The following GPHN variants were observed in gnomAD, a reference collection of about 807,000 sequenced individuals.
GPHN encodes gephyrin.
In GPHN, 17 loss-of-function variants were observed where a neutral mutation model predicts 95.5. The observed-to-expected ratio is 0.18, with a 90% CI of 0.12 to 0.27. The LOEUF is 0.27. GPHN is among the 10% of genes least tolerant of loss of function. The pLI, the probability that GPHN is intolerant of heterozygous loss-of-function variation, is 1.00. For synonymous variants in GPHN, 320 were observed against 322.5 expected (o/e 0.99, Z 0.08); for missense variants, 660 against 978.1 (o/e 0.67, Z 4.34).
chr14:66,843,319 A>G (rs1056590515), intron 4 of GPHN, among the ~76,000 whole-genome samples: 4 of 152,150 alleles, frequency 2.6e-5, no homozygotes, highest in African/African-American at 9.7e-5. Flanking sequence ...TGGCCTAACA[A>G]GTGCTATGCC....
the GPHN span, among the ~76,000 whole-genome samples, chr14:67,559,264 G>T: frequency 6.6e-6 from 1 of 152,170 alleles, no homozygotes; most frequent in Non-Finnish European, 1.5e-5. Context: ...GGCCAGAGGA[G>T]TATAAAATGA....
the GPHN span, chr14:67,225,129 C>T: frequency 1.3e-6 from 2 of 1,580,646 alleles, no homozygotes; most frequent in Non-Finnish European, 8.6e-7. Flanking sequence ...TCTCTCCCCT[C>T]ATATCAAATC....
At position 67,139,154 on chromosome 14, in the gene GPHN, C is replaced by CGGA. The variant is rs544524699; in HGVS notation, c.1749-4205_1749-4203dup. Among the ~76,000 whole-genome samples, 209 of 151,180 alleles carry CGGA rather than the reference C, an allele frequency of 1.4e-3. 1 individual carries two copies. The highest frequency in any genetic ancestry group is 2.3e-3 in the Non-Finnish European group (155 of 67,852). ...AGGAGAGTTGCTTGAACCCAGGAGG[C>CGGA]GGAGGTTGCAGTGAGCCGAGATCGC... On this transcript the variant is annotated intron_variant, in intron 17 of 22. Coordinates refer to ENST00000478722, the MANE Select transcript of GPHN (RefSeq NM_020806.5).
intron 9 of GPHN, among the ~76,000 whole-genome samples, chr14:67,019,947 A>G (rs1046957597): frequency 1.3e-5 from 2 of 152,158 alleles, no homozygotes; most frequent in Non-Finnish European, 2.9e-5. Flanking sequence ...ACAGCTTGGC[A>G]CTACATTCTT....
chr14:66,733,465 A>G (rs963099646), intron 2 of GPHN, among the ~76,000 whole-genome samples: 17 of 152,148 alleles, frequency 1.1e-4, no homozygotes, highest in African/African-American at 9.7e-5. Context: ...ACTAACATCT[A>G]TTTATATAAA....
chr14:66,925,186 T>C (rs7147570), intron 8 of GPHN, among the ~76,000 whole-genome samples: 48,253 of 151,990 alleles, frequency 0.32, 12,046 homozygotes, highest in African/African-American at 0.67. Context: ...GCATGTGAGA[T>C]ATTTTGATAC....
Position 67,051,833 on chromosome 14 carries a change from A to G in GPHN, c.1007-6816A>G, listed in dbSNP as rs558486493. Among the ~76,000 whole-genome samples, 14 of 152,356 alleles carry G rather than the reference A, an allele frequency of 9.2e-5. No homozygotes were observed. In the South Asian group the frequency reaches 2.9e-3, roughly 32 times the overall value. The stretch of plus-strand genomic sequence containing the variant: ...GTATCCTTAAAAGAAAGAATTTCCA[A>G]CCCAGAATTTCATAACCAGCCAAAC... On this transcript the variant is annotated intron_variant, in intron 10 of 22. Coordinates refer to ENST00000478722, the MANE Select transcript of GPHN (RefSeq NM_020806.5).
Position 66,683,385 on chromosome 14 carries a change from T to TATATATGTAC in GPHN, c.143+2206_143+2207insGTACATATAT, listed in dbSNP as rs1198341610. Reference sequence around the variant, plus strand: ...ATATATATATATATATATATGTTCATATATATATGTTCATATATATATATG... The same window carrying TATATATGTAC: ...ATATATATATATATATATATGTTCATATATATGTACATATATATGTTCATATATATATATG... On this transcript the variant is annotated intron_variant, in intron 2 of 22. Coordinates refer to ENST00000478722, the MANE Select transcript of GPHN (RefSeq NM_020806.5). Among the ~76,000 whole-genome samples the TATATATGTAC allele has an allele frequency of 5.5e-5, 6 of 109,824 alleles. 1 individual carries two copies. The highest frequency in any genetic ancestry group is 3.3e-4 in the African/African-American group (6 of 18,316). The allele number at this position is 109,824 out of a possible 152,430, so 72.0% of individuals were successfully genotyped here.
the GPHN span, among the ~76,000 whole-genome samples, chr14:67,608,904 C>T: frequency 1.3e-5 from 2 of 152,198 alleles, no homozygotes; most frequent in African/African-American, 2.4e-5. Context: ...TCTCACAACA[C>T]AGAAAACTTC....
At position 66,653,100 on chromosome 14, in the gene GPHN, CT is replaced by C. The variant is rs201387395; in HGVS notation, c.65-28006del. On this transcript the variant is annotated intron_variant, in intron 1 of 22. Transcript: ENST00000478722. ...CTTAGGAACTGTTGAGGGCTGGGAG[CT>C]GGTCCTGGTACTCGGCAATGTTTTG... is the stretch of plus-strand genomic sequence containing the variant. Among the ~76,000 whole-genome samples the C allele has an allele frequency of 2.8e-3, 422 of 152,234 alleles. 3 individuals are homozygous for C. Among genetic ancestry groups the C allele is most frequent in the African/African-American group, 9.3e-3 (387 of 41,546 alleles).
At chr14:67,065,630 A>G (rs61990911) in intron 11 of GPHN, among the ~76,000 whole-genome samples, 27 of 152,066 alleles carry the variant, frequency 1.8e-4, no homozygotes, top group Admixed American at 7.9e-4. Flanking sequence ...GGGTGCATAT[A>G]TATTTAGAAT....
intron 2 of GPHN, among the ~76,000 whole-genome samples, chr14:66,699,817 A>G (rs1748270618): frequency 6.6e-6 from 1 of 152,224 alleles, no homozygotes; most frequent in South Asian, 2.1e-4. Flanking sequence ...TGTGTTTGCC[A>G]TGATTTGTTT....
chr14:67,358,004 G>A, the GPHN span, among the ~76,000 whole-genome samples: 1 of 152,138 alleles, frequency 6.6e-6, no homozygotes, highest in Non-Finnish European at 1.5e-5. Context: ...CTCTAAAAAG[G>A]GAACGAGAGG....
intron 1 of GPHN, among the ~76,000 whole-genome samples, chr14:66,567,486 G>T (rs113808738): frequency 6.6e-6 from 1 of 152,122 alleles, no homozygotes; most frequent in African/African-American, 2.4e-5. Flanking sequence ...TTTGGATCTG[G>T]GATTGTAAAG....
At chr14:66,561,113 G>A (rs1047831856) in intron 1 of GPHN, among the ~76,000 whole-genome samples, 35 of 152,120 alleles carry the variant, frequency 2.3e-4, no homozygotes, top group Admixed American at 9.2e-4. Flanking sequence ...TGATGGATAA[G>A]CTTTTTGATG....
the GPHN span, among the ~76,000 whole-genome samples, chr14:67,349,296 T>C: frequency 5.3e-5 from 8 of 152,358 alleles, no homozygotes; most frequent in South Asian, 2.1e-4. Context: ...AAGCAGAGAA[T>C]GAACAATATT....
chr14:67,268,865 C>T, the GPHN span, among the ~76,000 whole-genome samples: 1 of 152,174 alleles, frequency 6.6e-6, no homozygotes, highest in Non-Finnish European at 1.5e-5. Flanking sequence ...TTTACCCAGC[C>T]CCTATTCAAG....
chr14:67,193,140 AT>A, the GPHN span, among the ~76,000 whole-genome samples: 1 of 143,702 alleles, frequency 7.0e-6, no homozygotes, highest in African/African-American at 2.5e-5. Flanking sequence ...CTATATAGAC[AT>A]CTATCTATAT....
the GPHN span, among the ~76,000 whole-genome samples, chr14:67,550,440 C>T: frequency 6.6e-6 from 1 of 152,342 alleles, no homozygotes; most frequent in Admixed American, 6.5e-5. Flanking sequence ...CCATCCGCCT[C>T]GGCCTCCCAA....
Sources: gnomAD v4.1 joint callset for allele counts (sites outside exome capture counted in the v4.1 genomes callset) on GRCh38, gnomAD v4.1.1 for gene constraint, MANE v1.5 for transcripts, NCBI Gene and HGNC (gene_info 2026-07-23, HGNC 2026-07-21) for gene names.